DNM3: variants seen among roughly 807,000 people sequenced by gnomAD.
DNM3 encodes the protein dynamin-3.
A neutral mutation model predicts 101.6 loss-of-function variants in DNM3; 47 were observed. The ratio of observed to expected loss-of-function variants is 0.46; its 90% confidence interval spans 0.37 to 0.59. The LOEUF is 0.59. DNM3 is among the 20% of genes least tolerant of loss of function. The pLI, the probability that DNM3 is intolerant of heterozygous loss-of-function variation, is 0.00. For synonymous variants in DNM3, 385 were observed against 387.9 expected (o/e 0.99, Z 0.09); for missense variants, 849 against 1,085.7 (o/e 0.78, Z 3.06).
At chr1:172,301,519 A>C (rs548751934) in intron 15 of DNM3, among the ~76,000 whole-genome samples, 69 of 152,196 alleles carry the variant, frequency 4.5e-4, no homozygotes, top group Non-Finnish European at 7.5e-4. Context: ...AAACAAAAAC[A>C]AAAAACCTTT....
At chr1:172,225,121 G>C (rs1335485552) in intron 14 of DNM3, among the ~76,000 whole-genome samples, 2 of 116,568 alleles carry the variant, frequency 1.7e-5, no homozygotes, top group Non-Finnish European at 3.6e-5. Context: ...TGTCCCTCCT[G>C]TTTCTTCTTC....
chr1:172,270,753 G>A (rs2063052558), intron 15 of DNM3, among the ~76,000 whole-genome samples: 2 of 152,026 alleles, frequency 1.3e-5, no homozygotes. Flanking sequence ...TCTAACTGTA[G>A]CGAGTTTTTC....
intron 4 of DNM3, among the ~76,000 whole-genome samples, chr1:172,015,431 TC>T (rs1189480401): frequency 6.6e-6 from 1 of 152,224 alleles, no homozygotes; most frequent in African/African-American, 2.4e-5. Flanking sequence ...ATTTAGTTCT[TC>T]TTTAATATCT....
intron 4 of DNM3, among the ~76,000 whole-genome samples, chr1:172,020,261 G>A (rs549710354): frequency 3.0e-4 from 46 of 152,228 alleles, no homozygotes; most frequent in African/African-American, 7.9e-4. Flanking sequence ...AGGTGGGACC[G>A]GATGGCTACA....
chr1:171,937,307 C>A (rs1203318044), intron 2 of DNM3, among the ~76,000 whole-genome samples: 1 of 151,658 alleles, frequency 6.6e-6, no homozygotes, highest in African/African-American at 2.4e-5. Flanking sequence ...AACAAATTAA[C>A]CTCATGGTAA....
At chr1:172,012,591 T>G (rs564731604) in intron 4 of DNM3, among the ~76,000 whole-genome samples, 1 of 152,056 alleles carries the variant, frequency 6.6e-6, no homozygotes, top group African/African-American at 2.4e-5. Flanking sequence ...ACATCTAAAT[T>G]TCCTTATTTT....
intron 14 of DNM3, among the ~76,000 whole-genome samples, chr1:172,237,528 A>G (rs1432246007): frequency 6.6e-6 from 1 of 152,186 alleles, no homozygotes; most frequent in South Asian, 2.1e-4. Context: ...GAATACTTCA[A>G]CCCTTTCGAG....
chr1:172,324,105 T>G (rs138155489), intron 17 of DNM3, among the ~76,000 whole-genome samples: 304 of 152,352 alleles, frequency 2.0e-3, no homozygotes, highest in African/African-American at 7.0e-3. Context: ...TATTTCTCAC[T>G]TATATTAGAA....
chr1:172,247,021 T>C (rs999602321), intron 14 of DNM3, among the ~76,000 whole-genome samples: 4 of 152,180 alleles, frequency 2.6e-5, no homozygotes, highest in Non-Finnish European at 5.9e-5. Flanking sequence ...CTCATGAGTT[T>C]TCAGTATTCT....
intron 2 of DNM3, among the ~76,000 whole-genome samples, chr1:171,969,707 G>T (rs994651869): frequency 9.9e-5 from 15 of 152,200 alleles, no homozygotes; most frequent in Non-Finnish European, 2.1e-4. Context: ...GTGAAGGCCA[G>T]AGAGAGACCT....
intron 14 of DNM3, among the ~76,000 whole-genome samples, chr1:172,146,003 A>G (rs569892291): frequency 3.9e-5 from 6 of 152,262 alleles, no homozygotes; most frequent in Admixed American, 3.9e-4. Flanking sequence ...GATTCTGATC[A>G]AAGCTAGAGT....
chr1:172,329,762 C>CA (rs1360443366), intron 17 of DNM3, among the ~76,000 whole-genome samples: 1 of 151,708 alleles, frequency 6.6e-6, no homozygotes, highest in Non-Finnish European at 1.5e-5. Context: ...AAAGCTAAAA[C>CA]AAAAAAAGCA....
intron 10 of DNM3, among the ~76,000 whole-genome samples, chr1:172,057,391 G>C (rs1197501032): frequency 6.6e-6 from 1 of 152,076 alleles, no homozygotes; most frequent in Non-Finnish European, 1.5e-5. Context: ...ACACATAATT[G>C]TCAGATTCAC....
intron 4 of DNM3, among the ~76,000 whole-genome samples, chr1:171,992,696 T>C (rs190999093): frequency 1.2e-3 from 183 of 152,166 alleles, no homozygotes; most frequent in African/African-American, 4.1e-3. Context: ...GAGGAGACTT[T>C]TGAAAGTTTT....
chr1:172,007,281 C>T (rs966848988), intron 4 of DNM3, among the ~76,000 whole-genome samples: 1 of 152,096 alleles, frequency 6.6e-6, no homozygotes, highest in African/African-American at 2.4e-5. Flanking sequence ...TTTAATTGCT[C>T]CACATTCTCA....
chr1:171,842,356 C>T (rs894979021), intron 1 of DNM3, among the ~76,000 whole-genome samples: 1 of 152,174 alleles, frequency 6.6e-6, no homozygotes, highest in African/African-American at 2.4e-5. Context: ...CAGCTGTCTA[C>T]TGTTGCCTGC....
At position 172,408,019 on chromosome 1, in the gene DNM3, T is replaced by A; in HGVS notation, c.*178T>A. 9 of 1,447,514 alleles carry A rather than the reference T, an allele frequency of 6.2e-6. No individual in the cohort carries two copies. The highest frequency in any genetic ancestry group is 8.2e-6 in the Non-Finnish European group (9 of 1,100,798). 89.7% of individuals were successfully genotyped at this position (1,447,514 alleles called of 1,614,324 possible). Reference sequence around the variant, plus strand: ...CTCATGGTATGTCAAACCTTTGGGGTTTGACTCAGAAACTGCTAACCTTTT... The same window carrying A: ...CTCATGGTATGTCAAACCTTTGGGGATTGACTCAGAAACTGCTAACCTTTT... On this transcript the variant is annotated 3_prime_UTR_variant, in exon 21 of 21. Transcript: ENST00000627582.
At chr1:172,307,032 C>G (rs1158565274) in intron 15 of DNM3, among the ~76,000 whole-genome samples, 3 of 152,146 alleles carry the variant, frequency 2.0e-5, no homozygotes, top group Admixed American at 6.5e-5. Context: ...CAAATGGGAT[C>G]TAATTAAACT....
Position 172,151,737 on chromosome 1 carries a change from G to C in DNM3, c.1659+20449G>C, listed in dbSNP as rs141243972. Among the ~76,000 whole-genome samples the C allele has an allele frequency of 7.6e-3, 1,155 of 152,228 alleles. 13 individuals carry two copies. Among genetic ancestry groups the C allele is most frequent in the African/African-American group, 0.027 (1,105 of 41,530 alleles). On this transcript the variant is annotated intron_variant, in intron 14 of 20. Transcript: ENST00000627582. ...GCCAGTGTGTGTGTCAACTACTAGG[G>C]CAGGTGCTTGGAGTTCAACTTGCAT...
Sources: gnomAD v4.1 joint callset for allele counts (sites outside exome capture counted in the v4.1 genomes callset) on GRCh38, gnomAD v4.1.1 for gene constraint, MANE v1.5 for transcripts, NCBI Gene and HGNC (gene_info 2026-07-23, HGNC 2026-07-21) for gene names.